The following SMG1 variants were observed in gnomAD, a reference collection of about 807,000 sequenced individuals.
SMG1 encodes the protein SMG1 nonsense mediated mRNA decay associated PI3K related kinase.
A neutral mutation model predicts 419.9 loss-of-function variants in SMG1; 22 were observed. The ratio of observed to expected loss-of-function variants is 0.05; its 90% CI spans 0.04 to 0.07. SMG1 has a LOEUF of 0.07. Among genes scored for constraint, SMG1 ranks in the 10% least tolerant of loss-of-function variants. The probability of loss-of-function intolerance (pLI) is 1.00; values close to 1 mark genes in which losing one functional copy is unlikely to be tolerated. For synonymous variants in SMG1, 1,538 were observed against 1,553.5 expected, an observed-to-expected ratio of 0.99 and a Z score of 0.23; for missense variants, 3,185 against 4,342.0, an observed-to-expected ratio of 0.73 and a Z score of 7.49.
At chr16:18,816,056 C>G (rs868225893) in intron 58 of SMG1, 1 of 514,332 alleles carries the variant, frequency 1.9e-6, no homozygotes, top group Non-Finnish European at 3.4e-6. Flanking sequence ...GGTTTTATTA[C>G]AAGTTATATC....
chr16:18,830,085 G>T lies in SMG1; in HGVS notation c.8974C>A (p.Arg2992=), dbSNP rs889458917. ...GCTTCCCTTATGATGTCAATCTTTCGCCAAGCTATGGGAATTTCCATCTTG... is the reference window on the plus strand; with the variant it reads ...GCTTCCCTTATGATGTCAATCTTTCTCCAAGCTATGGGAATTTCCATCTTG... ...LNKMEIPIAW[R]KIDIIREARS... Residue 2992 remains arginine, a synonymous_variant, in exon 53 of 63, where the codon CGA becomes AGA. Coordinates refer to ENST00000446231, the MANE Select transcript of SMG1 (RefSeq NM_015092.5). The T allele has an allele frequency of 5.0e-6, 8 of 1,603,170 alleles. No individual in the cohort carries two copies. The highest frequency in any genetic ancestry group is 6.8e-6 in the Non-Finnish European group (8 of 1,174,820).
Position 18,806,271 on chromosome 16 carries a change from T to C in SMG1, c.*3298A>G, listed in dbSNP as rs2030828328. 1 of 152,628 alleles carries C rather than the reference T, an allele frequency of 6.6e-6. No homozygotes were observed. The highest frequency in any genetic ancestry group is 1.5e-5 in the Non-Finnish European group (1 of 68,036). The allele number at this position is 152,628 out of a possible 1,614,324, so 9.5% of individuals were successfully genotyped here. On this transcript the variant is annotated 3_prime_UTR_variant, in exon 63 of 63. Coordinates refer to ENST00000446231, the MANE Select transcript of SMG1 (RefSeq NM_015092.5). ...TATTAAGAAAACTACTTACTAAGCT[T>C]AGGTAATAGAGGCAAGGGTTAAGGG...
At chr16:18,844,600 G>A (rs2034149998) in intron 39 of SMG1, among the ~76,000 whole-genome samples, 1 of 95,070 alleles carries the variant, frequency 1.1e-5, no homozygotes, top group Admixed American at 1.1e-4. Flanking sequence ...TCGAGTTTTG[G>A]CAAGAACACA....
At chr16:18,831,983 T>C (rs562672979) in intron 51 of SMG1, among the ~76,000 whole-genome samples, 3 of 152,188 alleles carry the variant, frequency 2.0e-5, no homozygotes, top group South Asian at 2.1e-4. Context: ...ATATGTATAC[T>C]TTCTGCATTA....
At position 18,854,165 on chromosome 16, in the gene SMG1, T is replaced by C. The variant is rs1397772731; in HGVS notation, c.4484-298A>G. 4.7e-5 allele frequency among the ~76,000 whole-genome samples: 7 copies of C among 148,614 alleles called. No individual in the cohort carries two copies. The East Asian group carries it at 1.2e-3, about 25-fold the overall frequency. ...GCAGTAGCACAATCAGGGCTCACTG[T>C]AGCCTCAACTTCCCAGGCTCAAGCA... On this transcript the variant is annotated intron_variant, in intron 30 of 62. Transcript: ENST00000446231.
intron 31 of SMG1, among the ~76,000 whole-genome samples, chr16:18,852,737 C>G (rs150090638): frequency 1.8e-3 from 280 of 152,312 alleles, no homozygotes; most frequent in African/African-American, 5.8e-3. Flanking sequence ...ACATTGTAAA[C>G]AGTCAGGTGT....
At chr16:18,884,927 A>T in intron 8 of SMG1, 163 bp downstream of exon 8, 1 of 614,646 alleles carries the variant, frequency 1.6e-6, no homozygotes, top group East Asian at 2.8e-5. Context: ...ATTTCCTCTG[A>T]AAATACATAT....
intron 1 of SMG1, among the ~76,000 whole-genome samples, chr16:18,903,106 T>C (rs1055968936): frequency 1.3e-5 from 2 of 152,208 alleles, no homozygotes; most frequent in African/African-American, 4.8e-5. Context: ...ATTACAGGCA[T>C]AAGCCACTGC....
chr16:18,904,659 G>A (rs528053438), intron 1 of SMG1, among the ~76,000 whole-genome samples: 32 of 151,818 alleles, frequency 2.1e-4, no homozygotes, highest in African/African-American at 6.8e-4. Flanking sequence ...AATAAAGGCC[G>A]GGTGAAGTGG....
At chr16:18,922,667 G>A (rs1296534060) in intron 1 of SMG1, among the ~76,000 whole-genome samples, 2 of 152,056 alleles carry the variant, frequency 1.3e-5, no homozygotes, top group African/African-American at 4.8e-5. Flanking sequence ...GTAGAGACGG[G>A]GTTTCACCAT....
chr16:18,809,271 A>C lies in SMG1; in HGVS notation c.*298T>G. The C allele has an allele frequency of 2.9e-6, 1 of 350,368 alleles. No homozygotes were observed. The highest frequency in any genetic ancestry group is 5.5e-6 in the Non-Finnish European group (1 of 181,162). 21.7% of individuals were successfully genotyped at this position (350,368 alleles called of 1,614,324 possible). Reference sequence around the variant, plus strand: ...GCATCCCGATTTCTTTCCGCAGCTAACCTCCCGACACGTCTGCTGCTGTTC... The same window carrying C: ...GCATCCCGATTTCTTTCCGCAGCTACCCTCCCGACACGTCTGCTGCTGTTC... On this transcript the variant is annotated 3_prime_UTR_variant, in exon 63 of 63. Transcript: ENST00000446231.
intron 1 of SMG1, among the ~76,000 whole-genome samples, chr16:18,901,970 G>A (rs2037364218): frequency 6.7e-6 from 1 of 148,528 alleles, no homozygotes; most frequent in Admixed American, 6.7e-5. Flanking sequence ...GGGTGGCGGT[G>A]GGGGGAAGGT....
In SMG1 at chr16:18,850,022, G is replaced by A. The variant is rs376565094; in HGVS notation, c.5388C>T (p.Leu1796=). ...VMATLRLLRL[L]VKHAGELRQY... ...GCCGAAGCTCACCAGCATGCTTCAC[G>A]AGCAACCGCAGCAGGCGCAATGTGG... The change falls in exon 35 of 63, where the codon CTC becomes CTT. Residue 1796 remains leucine (L), a synonymous_variant. Transcript: ENST00000446231. 47 of 1,613,820 alleles carry A rather than the reference G, an allele frequency of 2.9e-5. No homozygotes were observed. Among genetic ancestry groups the A allele is most frequent in the Non-Finnish European group, 3.4e-5 (40 of 1,179,896 alleles).
At chr16:18,912,511 G>A (rs897339795) in intron 1 of SMG1, among the ~76,000 whole-genome samples, 24 of 151,912 alleles carry the variant, frequency 1.6e-4, no homozygotes, top group African/African-American at 5.8e-4. Context: ...ATATTAGAGT[G>A]GGGAGAACAA....
chr16:18,817,186 A>G (rs2032091051), intron 57 of SMG1, 105 bp downstream of exon 57: 1 of 856,270 alleles, frequency 1.2e-6, no homozygotes, highest in African/African-American at 1.8e-5. Context: ...AACCTCTTAC[A>G]TACAGTATAT....
intron 60 of SMG1, among the ~76,000 whole-genome samples, chr16:18,812,635 T>C (rs2031555890): frequency 7.0e-6 from 1 of 143,820 alleles, no homozygotes; most frequent in Non-Finnish European, 1.6e-5. Context: ...TATACACATA[T>C]ATATACACAT....
intron 13 of SMG1, chr16:18,875,523 G>C (rs183306957): frequency 6.6e-6 from 1 of 152,606 alleles, no homozygotes; most frequent in Non-Finnish European, 1.5e-5. Context: ...CCCGGGAGGC[G>C]GAGGTTGCAG....
chr16:18,816,058 A>C (rs1418684874), intron 58 of SMG1: 3 of 523,000 alleles, frequency 5.7e-6, no homozygotes, highest in Non-Finnish European at 1.0e-5. Context: ...TTTTATTACA[A>C]GTTATATCAC....
At position 18,925,500 on chromosome 16, in the gene SMG1, G is replaced by A. The variant is rs927112965; in HGVS notation, c.92+450C>T. 3.8e-5 allele frequency: 6 copies of A among 159,208 alleles called. No individual in the cohort carries two copies. In the South Asian group the frequency reaches 7.6e-4, roughly 20 times the overall value. The allele number at this position is 159,208 out of a possible 1,614,324, so 9.9% of individuals were successfully genotyped here. The stretch of plus-strand genomic sequence containing the variant: ...TTTGTTTTTTTCAATATTAACACGT[G>A]GGGGTCACAGAAAGGAACAGAGGTT... On this transcript the variant is annotated intron_variant, in intron 1 of 62. Coordinates refer to ENST00000446231, the MANE Select transcript of SMG1 (RefSeq NM_015092.5).
Sources: gnomAD v4.1 joint callset for allele counts (sites outside exome capture counted in the v4.1 genomes callset) on GRCh38, gnomAD v4.1.1 for gene constraint, MANE v1.5 for transcripts, NCBI Gene and HGNC (gene_info 2026-07-23, HGNC 2026-07-21) for gene names.